The following EIF4G3 variants were observed in gnomAD, a reference collection of about 807,000 sequenced individuals.
EIF4G3 encodes eukaryotic translation initiation factor 4 gamma 3, also known as eIF-4-gamma 3.
A neutral mutation model predicts 186.4 loss-of-function variants in EIF4G3; 34 were observed. The ratio of observed to expected loss-of-function variants is 0.18; its 90% CI spans 0.14 to 0.24. The LOEUF (loss-of-function observed/expected upper bound fraction) is 0.24. EIF4G3 is among the 10% of genes least tolerant of loss of function. The pLI is 1.00. For synonymous variants in EIF4G3, 673 were observed against 679.5 expected (o/e 0.99, Z 0.15); for missense variants, 1,536 against 1,948.5 (o/e 0.79, Z 3.99).
chr1:20,902,781 T>C (rs2090808767), intron 15 of EIF4G3, among the ~76,000 whole-genome samples: 2 of 152,126 alleles, frequency 1.3e-5, no homozygotes, highest in Admixed American at 6.6e-5. Context: ...GCTGGGATTA[T>C]AGGCGCGCGC....
intron 2 of EIF4G3, among the ~76,000 whole-genome samples, chr1:21,134,660 C>T (rs1339569836): frequency 6.6e-6 from 1 of 152,040 alleles, no homozygotes; most frequent in Non-Finnish European, 1.5e-5. Context: ...CCGAGTGAGA[C>T]TCCATCTCAA....
intron 2 of EIF4G3, among the ~76,000 whole-genome samples, chr1:21,145,213 A>AT (rs1323843706): frequency 2.2e-4 from 34 of 152,342 alleles, no homozygotes; most frequent in Admixed American, 1.5e-3. Flanking sequence ...GTAAGGTATC[A>AT]TCAACTCTCT....
chr1:21,050,884 C>T lies in EIF4G3; in HGVS notation c.-85G>A, dbSNP rs950929186. The T allele has an allele frequency of 1.7e-5, 12 of 709,738 alleles. No individual in the cohort carries two copies. Among genetic ancestry groups the T allele is most frequent in the Middle Eastern group, 2.3e-4 (1 of 4,374 alleles). The allele number at this position is 709,738 out of a possible 1,614,324, so 44.0% of individuals were successfully genotyped here. On this transcript the variant is annotated 5_prime_UTR_variant, in exon 4 of 37. Transcript: ENST00000602326. ...ATCTTACTTGAGAGAGTCCAGGGGA[C>T]GATGCATGTCCCGGGGGCGTTGCCG...
intron 3 of EIF4G3, among the ~76,000 whole-genome samples, chr1:21,076,599 G>A (rs993157401): frequency 2.4e-4 from 37 of 152,052 alleles, no homozygotes; most frequent in African/African-American, 8.2e-4. Flanking sequence ...TAAAAACATA[G>A]ACCAATGGAA....
At chr1:20,910,961 G>A (rs1007444686) in intron 14 of EIF4G3, among the ~76,000 whole-genome samples, 4 of 152,182 alleles carry the variant, frequency 2.6e-5, no homozygotes, top group Non-Finnish European at 5.9e-5. Flanking sequence ...TGCTTGTAAT[G>A]ATAATTTTAA....
At chr1:21,122,117 C>T (rs2096936119) in intron 2 of EIF4G3, among the ~76,000 whole-genome samples, 1 of 152,252 alleles carries the variant, frequency 6.6e-6, no homozygotes, top group East Asian at 1.9e-4. Context: ...CCTCTAATTC[C>T]CCCTCTGGAA....
intron 2 of EIF4G3, among the ~76,000 whole-genome samples, chr1:21,109,812 TCTCACTCCGACACCCAGG>T (rs1407643499): frequency 1.3e-5 from 2 of 152,164 alleles, no homozygotes; most frequent in Admixed American, 1.3e-4. Context: ...TGGGATAGAA[TCTCACTCCGACACCCAGG>T]CTGCAGTGCA....
rs572311224 is a variant in EIF4G3 at position 20,945,013 on chromosome 1, C to CAA, written c.824-2685_824-2684dup. On this transcript the variant is annotated intron_variant, in intron 13 of 36. Coordinates refer to ENST00000602326, the MANE Select transcript of EIF4G3 (RefSeq NM_001391906.1). ...CAGTGGAGTGAGACTCTATCTCAAACAAAACAAAACAAAACAAAACAAATT... is the reference window on the plus strand; with the variant it reads ...CAGTGGAGTGAGACTCTATCTCAAACAAAAAACAAAACAAAACAAAACAAATT... 1.3e-4 allele frequency among the ~76,000 whole-genome samples: 19 copies of CAA among 151,858 alleles called. No homozygotes were observed. In the East Asian group the frequency reaches 3.3e-3, roughly 26 times the overall value.
At chr1:20,926,406 A>G (rs758233456) in intron 14 of EIF4G3, among the ~76,000 whole-genome samples, 23 of 152,216 alleles carry the variant, frequency 1.5e-4, no homozygotes, top group South Asian at 4.1e-4. Context: ...CAGGCCAGGC[A>G]TGGTAGCTCA....
Position 21,176,575 on chromosome 1 carries a change from GCCGCCGCCGCCGCCGCCT to G in EIF4G3, c.-456+129_-456+146del, listed in dbSNP as rs1290372317. The G allele has an allele frequency of 8.6e-3, 1,384 of 160,186 alleles. 58 individuals are homozygous for G. The highest frequency in any genetic ancestry group is 0.012 in the East Asian group (64 of 5,494). 9.9% of individuals were successfully genotyped at this position (160,186 alleles called of 1,614,324 possible). On this transcript the variant is annotated intron_variant, in intron 1 of 36. Transcript: ENST00000602326. ...CCGGTCACACACGCCCGACGCCGCC[GCCGCCGCCGCCGCCGCCT>G]CCGCCGCCGCCGCCGCCGGCAGCAG... is the stretch of plus-strand genomic sequence containing the variant.
chr1:20,813,297 C>T (rs769572313), intron 34 of EIF4G3, 58 bp from the exon 35 acceptor site: 1 of 1,285,578 alleles, frequency 7.8e-7, no homozygotes, highest in Non-Finnish European at 1.1e-6. Context: ...GGCACAGAGG[C>T]TCATGCCTGT....
intron 7 of EIF4G3, 83 bp downstream of exon 7, chr1:20,997,518 A>G (rs2082545580): frequency 5.4e-6 from 7 of 1,290,490 alleles, no homozygotes; most frequent in Non-Finnish European, 7.7e-6. Flanking sequence ...GTTCTATGGG[A>G]TGGCAGCATT....
intron 2 of EIF4G3, among the ~76,000 whole-genome samples, chr1:21,119,591 A>G (rs1337743419): frequency 6.6e-6 from 1 of 152,202 alleles, no homozygotes; most frequent in Non-Finnish European, 1.5e-5. Context: ...TATTTGGCAA[A>G]CAAAAAGTAA....
intron 2 of EIF4G3, among the ~76,000 whole-genome samples, chr1:21,136,845 C>T (rs1330957152): frequency 2.6e-5 from 4 of 152,258 alleles, no homozygotes; most frequent in Non-Finnish European, 5.9e-5. Context: ...CAATAGGTAG[C>T]CTCCAGGAAC....
intron 14 of EIF4G3, among the ~76,000 whole-genome samples, chr1:20,913,297 G>A (rs969740496): frequency 6.6e-6 from 1 of 152,130 alleles, no homozygotes; most frequent in Non-Finnish European, 1.5e-5. Context: ...ACTTGGGGAG[G>A]ACAAGGTGAG....
At chr1:20,889,878 T>C (rs1399899731) in intron 18 of EIF4G3, among the ~76,000 whole-genome samples, 5 of 152,196 alleles carry the variant, frequency 3.3e-5, no homozygotes, top group Non-Finnish European at 5.9e-5. Context: ...GAAGGACACT[T>C]AGGTTTGAAA....
At chr1:21,135,337 T>C (rs1190755438) in intron 2 of EIF4G3, among the ~76,000 whole-genome samples, 1 of 152,082 alleles carries the variant, frequency 6.6e-6, no homozygotes, top group Non-Finnish European at 1.5e-5. Context: ...CCGTCTCTAC[T>C]AAAAATACAA....
rs571605110 is a variant in EIF4G3, at chr1:20,816,804, G to A, written c.4515+588C>T. ...TGGCGGTTTTGTGGAATAGAAAGGC[G>A]GGAAGGGTGGGGAAAAAATTGAGAA... is the stretch of plus-strand genomic sequence containing the variant. On this transcript the variant is annotated intron_variant, in intron 34 of 36. Coordinates refer to ENST00000602326, the MANE Select transcript of EIF4G3 (RefSeq NM_001391906.1). Among the ~76,000 whole-genome samples, 56 of 93,556 alleles carry A rather than the reference G, an allele frequency of 6.0e-4. 2 individuals carry two copies. Among genetic ancestry groups the A allele is most frequent in the African/African-American group, 1.8e-3 (49 of 26,624 alleles). 61.4% of individuals were successfully genotyped at this position (93,556 alleles called of 152,430 possible).
chr1:20,929,244 A>G (rs2095155079), intron 14 of EIF4G3: 1 of 152,192 alleles, frequency 6.6e-6, no homozygotes, highest in South Asian at 2.1e-4. Flanking sequence ...GCAGGAAGTT[A>G]ATGATGGTAT....
Sources: gnomAD v4.1 joint callset for allele counts (sites outside exome capture counted in the v4.1 genomes callset) on GRCh38, gnomAD v4.1.1 for gene constraint, MANE v1.5 for transcripts, NCBI Gene and HGNC (gene_info 2026-07-23, HGNC 2026-07-21) for gene names.